Variants in MYO15A observed in about 807,000 individuals in gnomAD.
MYO15A encodes the protein myosin XVA.
MYO15A carries 308 observed loss-of-function variants against 394.6 expected under a neutral mutation model. That is an observed-to-expected ratio of 0.78 (90% confidence interval 0.71 to 0.86). MYO15A has a LOEUF of 0.86. Among genes scored for constraint, MYO15A ranks in the 40% least tolerant of loss-of-function variants. The pLI, the probability that MYO15A is intolerant of heterozygous loss-of-function variation, is 0.00. For missense variants in MYO15A, 4,606 were observed against 4,799.1 expected (o/e 0.96, Z 1.19); for synonymous variants, 1,957 against 2,003.8 (o/e 0.98, Z 0.62).
chr17:18,151,849 G>A lies in MYO15A; in HGVS notation c.7791G>A (p.Lys2597=). The change falls in exon 41 of 66, where the codon AAG becomes AAA. Residue 2597 remains lysine (K), a synonymous_variant. Coordinates refer to ENST00000647165, the MANE Select transcript of MYO15A (RefSeq NM_016239.4). ...FRGGRPEALR[K]DGGKVFMKRP... ...CACAGTACTCCAATGCCCACAGGAA[G>A]GATGGCGGGAAAGTGTTCATGAAGC... 1 of 1,574,668 alleles carries A rather than the reference G, an allele frequency of 6.4e-7. No individual in the cohort carries two copies. The highest frequency in any genetic ancestry group is 8.6e-7 in the Non-Finnish European group (1 of 1,159,930).
chr17:18,149,524 G>A lies in MYO15A; in HGVS notation c.7156G>A (p.Gly2386Arg). The A allele has an allele frequency of 6.2e-7, 1 of 1,614,168 alleles. No individual in the cohort carries two copies. Among genetic ancestry groups the A allele is most frequent in the Non-Finnish European group, 8.5e-7 (1 of 1,180,016 alleles). ...SLGEPAVPHK[G>R]LDCYLDSLFD... ...TGGAGAGCCTGCTGTGCCCCACAAG[G>A]GGCTGGACTGCTACCTGGATAGCCT... The change falls in exon 35 of 66, where the codon GGG (glycine) becomes AGG (arginine). Residue 2386 changes from glycine to arginine, a missense_variant. Around this residue, in one of 2 missense-constraint regions of MYO15A, gnomAD observed 2,776 missense variants for 3,109.3 expected, o/e 0.89. Transcript: ENST00000647165.
At chr17:18,130,127 C>A (rs752066049) in intron 7 of MYO15A, among the ~76,000 whole-genome samples, 58 of 152,310 alleles carry the variant, frequency 3.8e-4, no homozygotes, top group Non-Finnish European at 6.3e-4. Context: ...GATCTGCCCA[C>A]CTCGGCCTCC....
Position 18,132,332 on chromosome 17 carries a change from G to T in MYO15A, c.4207-121G>T. The T allele has an allele frequency of 1.3e-6, 1 of 777,336 alleles. No homozygotes were observed. The highest frequency in any genetic ancestry group is 2.2e-6 in the Non-Finnish European group (1 of 448,966). 48.2% of individuals were successfully genotyped at this position (777,336 alleles called of 1,614,324 possible). A position where few individuals can be genotyped will look rare whatever the true frequency, so the allele number is the denominator to read the frequency against. ...AGCCTCACCCATCACAGAGGCGCGTGTTCTCATCTGCAGCCCACTGTGTGC... is the reference window on the plus strand; with the variant it reads ...AGCCTCACCCATCACAGAGGCGCGTTTTCTCATCTGCAGCCCACTGTGTGC... On this transcript the variant is annotated intron_variant, in intron 10 of 65. Coordinates refer to ENST00000647165, the MANE Select transcript of MYO15A (RefSeq NM_016239.4). The surrounding 1 kb of genome is among the most constrained non-coding windows in gnomAD (Gnocchi z 4.6).
chr17:18,158,818 T>C lies in MYO15A; in HGVS notation c.9084-107T>C, dbSNP rs1181674941. 4.2e-6 allele frequency: 6 copies of C among 1,432,080 alleles called. No individual in the cohort carries two copies. The East Asian group carries it at 1.4e-4, about 33-fold the overall frequency. The allele number at this position is 1,432,080 out of a possible 1,614,324, so 88.7% of individuals were successfully genotyped here. On this transcript the variant is annotated intron_variant, in intron 52 of 65. Transcript: ENST00000647165. ...GGGGTCTTCGTGACCGGTAGACTGA[T>C]CAGTGGTGGGTCAAGAACCCCCTCC...
chr17:18,158,819 C>A (rs2046729627), intron 52 of MYO15A, 106 bp from the exon 53 acceptor site: 9 of 1,430,324 alleles, frequency 6.3e-6, no homozygotes, highest in Middle Eastern at 1.8e-4. Context: ...GTAGACTGAT[C>A]AGTGGTGGGT....
rs185186294 is a variant in MYO15A, at chr17:18,108,817, G to A, written c.-227G>A. 9.9e-4 allele frequency: 151 copies of A among 152,978 alleles called. 1 individual carries two copies. Among genetic ancestry groups the A allele is most frequent in the Admixed American group, 1.7e-3 (26 of 15,312 alleles). The allele number at this position is 152,978 out of a possible 1,614,324, so 9.5% of individuals were successfully genotyped here. A position where few individuals can be genotyped will look rare whatever the true frequency, so the allele number is the denominator to read the frequency against. Reference sequence around the variant, plus strand: ...GCATGCAGGCGGGGAGCAGGCCACAGAACGCAGGTAAGGAGACCTTAGCCT... The same window carrying A: ...GCATGCAGGCGGGGAGCAGGCCACAAAACGCAGGTAAGGAGACCTTAGCCT... On this transcript the variant is annotated 5_prime_UTR_variant, in exon 1 of 66. Transcript: ENST00000647165.
At position 18,148,694 on chromosome 17, in the gene MYO15A, A is replaced by C; in HGVS notation, c.6765-67A>C. 12 of 1,551,090 alleles carry C rather than the reference A, an allele frequency of 7.7e-6. No individual in the cohort carries two copies. Among genetic ancestry groups the C allele is most frequent in the South Asian group, 1.2e-5 (1 of 84,376 alleles). ...ATGTTTAGGGTCTGGCTTATAACCC[A>C]GGATCTCCCCAGGTAGTGCCTGATG... On this transcript the variant is annotated intron_variant, in intron 32 of 65. Transcript: ENST00000647165. This position sits in a 1 kb window ranked among gnomAD's most constrained non-coding sequence, Gnocchi z 4.8.
intron 12 of MYO15A, among the ~76,000 whole-genome samples, chr17:18,133,980 T>C (rs2046218076): frequency 6.6e-6 from 1 of 151,372 alleles, no homozygotes; most frequent in Non-Finnish European, 1.5e-5. Flanking sequence ...TTTTATTTTA[T>C]TTTATTTTTA....
rs778667446 is a variant in MYO15A, at chr17:18,149,536, T to C, written c.7168T>C (p.Tyr2390His). 7 of 1,614,102 alleles carry C rather than the reference T, an allele frequency of 4.3e-6. No individual in the cohort carries two copies. In the South Asian group the frequency reaches 6.6e-5, roughly 15 times the overall value. Reference protein sequence around the residue: ...PAVPHKGLDCYLDSLFDPVLS... With the variant: ...PAVPHKGLDCHLDSLFDPVLS... Reference sequence around the variant, plus strand: ...TGTGCCCCACAAGGGGCTGGACTGCTACCTGGATAGCCTCTTTGACCCTGT... The same window carrying C: ...TGTGCCCCACAAGGGGCTGGACTGCCACCTGGATAGCCTCTTTGACCCTGT... Residue 2390 changes from tyrosine to histidine, a missense_variant, in exon 35 of 66, where the codon TAC becomes CAC. Physicochemically the swap from Tyr to His is moderately conservative, Grantham distance 83. This residue lies in a region of MYO15A where 2,776 missense variants were observed against 3,109.3 expected (regional missense o/e 0.89). Transcript: ENST00000647165.
intron 34 of MYO15A, 39 bp from the exon 35 acceptor site, chr17:18,149,447 A>C (rs1156921069): frequency 1.2e-6 from 2 of 1,614,032 alleles, no homozygotes; most frequent in African/African-American, 2.7e-5. Flanking sequence ...GAAATCATCA[A>C]GAAAAAAGAA....
chr17:18,126,223 C>T, intron 4 of MYO15A, 124 bp from the exon 5 acceptor site: 1 of 820,636 alleles, frequency 1.2e-6, no homozygotes, highest in South Asian at 1.4e-5. Context: ...GATGGGAATC[C>T]CGAGTCCAGG....
At chr17:18,133,507 T>C in intron 12 of MYO15A, 121 bp downstream of exon 12, 4 of 1,353,078 alleles carry the variant, frequency 3.0e-6, no homozygotes, top group Non-Finnish European at 3.9e-6. Flanking sequence ...TCCTGTTTTT[T>C]TCTTTTTTCC....
chr17:18,125,252 T>G, intron 4 of MYO15A, 21 bp downstream of exon 4: 25 of 1,611,972 alleles, frequency 1.6e-5, no homozygotes, highest in Non-Finnish European at 2.0e-5. Flanking sequence ...GGGCTGGCCC[T>G]GCCCTGGGCC....
Position 18,121,409 on chromosome 17 carries a change from A to G in MYO15A, c.2609A>G (p.His870Arg), listed in dbSNP as rs1311705250. ...SSLNLPSRLP[H>R]TWRRLSEPPT... is the part of the protein sequence containing the mutation. The stretch of plus-strand genomic sequence containing the variant: ...CTGAATCTGCCCTCGCGCCTCCCGC[A>G]CACGTGGCGGCGCCTCAGCGAGCCA... The change falls in exon 2 of 66, where the codon CAC (histidine) becomes CGC (arginine). Residue 870 changes from histidine to arginine, a missense_variant. Physicochemically the swap from His to Arg is conservative, Grantham distance 29 (BLOSUM62 0). Around this residue, in one of 2 missense-constraint regions of MYO15A, gnomAD observed 1,830 missense variants for 1,689.7 expected, o/e 1.08. Transcript: ENST00000647165. This position sits in a 1 kb window ranked among gnomAD's most constrained non-coding sequence, Gnocchi z 5.3. The G allele has an allele frequency of 2.6e-6, 4 of 1,540,210 alleles. No individual in the cohort carries two copies. In the Admixed American group the frequency reaches 5.9e-5, roughly 23 times the overall value.
At chr17:18,157,454 ATC>A (rs201235772) in intron 50 of MYO15A, 2 of 894,124 alleles carry the variant, frequency 2.2e-6, no homozygotes, top group African/African-American at 1.7e-5. Flanking sequence ...TGTGGCCTGA[ATC>A]TCTCTTTATG....
At chr17:18,141,422 G>A (rs572839190) in intron 22 of MYO15A, among the ~76,000 whole-genome samples, 1 of 152,356 alleles carries the variant, frequency 6.6e-6, no homozygotes, top group South Asian at 2.1e-4. Context: ...CCAGCAGGTG[G>A]CAGTCAAGTG....
At chr17:18,113,080 C>T (rs1433868314) in intron 1 of MYO15A, among the ~76,000 whole-genome samples, 1 of 152,024 alleles carries the variant, frequency 6.6e-6, no homozygotes, top group Non-Finnish European at 1.5e-5. Context: ...AACTCCTGAG[C>T]TCAGGTAATC....
intron 65 of MYO15A, chr17:18,177,770 G>C (rs1033189646): frequency 6.6e-6 from 1 of 152,190 alleles, no homozygotes; most frequent in Non-Finnish European, 1.5e-5. Context: ...AAAACAGGTA[G>C]GACACATCAG....
At chr17:18,156,885 G>A in intron 48 of MYO15A, 69 bp from the exon 49 acceptor site, 1 of 1,333,670 alleles carries the variant, frequency 7.5e-7, no homozygotes, top group Non-Finnish European at 1.1e-6. Flanking sequence ...TGAGGAGCAG[G>A]GGTGGCCCTA....
Sources: gnomAD v4.1 joint callset for allele counts (sites outside exome capture counted in the v4.1 genomes callset) on GRCh38, gnomAD v4.1.1 for gene constraint, gnomAD v4.1.1 regional missense constraint, Gnocchi (gnomAD v3.1) non-coding constraint, MANE v1.5 for transcripts, NCBI Gene and HGNC (gene_info 2026-07-23, HGNC 2026-07-21) for gene names.